RUNX1: variants seen among roughly 807,000 people sequenced by gnomAD.
The protein encoded by RUNX1 is runt-related transcription factor 1.
RUNX1 carries 19 observed loss-of-function variants against 42.8 expected under a neutral mutation model. The observed-to-expected ratio is 0.44, with a 90% CI of 0.31 to 0.65. RUNX1 has a LOEUF of 0.65. Ranked by LOEUF, RUNX1 falls within the 30% of genes least tolerant of loss-of-function variation. RUNX1 has a pLI of 0.07. For missense variants in RUNX1, 528 were observed against 672.0 expected, an observed-to-expected ratio of 0.79 and a Z score of 2.37; for synonymous variants, 271 against 289.4, an observed-to-expected ratio of 0.94 and a Z score of 0.64.
chr21:34,980,670 CAGA>C (rs538475159), intron 2 of RUNX1, among the ~76,000 whole-genome samples: 11 of 152,002 alleles, frequency 7.2e-5, no homozygotes, highest in African/African-American at 2.7e-4. Context: ...GAAGTCTCCT[CAGA>C]AGGAGGATTT....
At chr21:34,980,918 G>A (rs1569135778) in intron 2 of RUNX1, among the ~76,000 whole-genome samples, 2 of 152,192 alleles carry the variant, frequency 1.3e-5, no homozygotes, top group African/African-American at 2.4e-5. Context: ...ATAGCTTGAG[G>A]TTACCAAGTG....
intron 3 of RUNX1, chr21:34,887,361 T>G: frequency 7.0e-7 from 1 of 1,428,772 alleles, no homozygotes. Context: ...TAGCAACCGA[T>G]TGCTTAGTGC....
At chr21:34,902,315 G>A (rs947601660) in intron 2 of RUNX1, among the ~76,000 whole-genome samples, 8 of 152,158 alleles carry the variant, frequency 5.3e-5, no homozygotes, top group African/African-American at 1.4e-4. Flanking sequence ...TTGATAAGAC[G>A]ACCCTTGGTG....
intron 5 of RUNX1, among the ~76,000 whole-genome samples, chr21:34,866,006 C>G (rs533098502): frequency 1.3e-5 from 2 of 152,188 alleles, no homozygotes; most frequent in South Asian, 4.1e-4. Context: ...CTCCTCAGGT[C>G]TAGTTTGCAG....
rs760740797 is a variant in RUNX1, at chr21:34,788,010, T to A, written c.*4125A>T. ...ACTGTGTACCGTGGACTGTGGACAGTGCAGTGCCTGCTCTCCTGTGCTATC... is the reference window on the plus strand; with the variant it reads ...ACTGTGTACCGTGGACTGTGGACAGAGCAGTGCCTGCTCTCCTGTGCTATC... On this transcript the variant is annotated 3_prime_UTR_variant, in exon 9 of 9. Transcript: ENST00000675419. The A allele has an allele frequency of 8.6e-6, 2 of 233,224 alleles. No homozygotes were observed. Among genetic ancestry groups the A allele is most frequent in the Non-Finnish European group, 1.7e-5 (2 of 118,084 alleles). The allele number at this position is 233,224 out of a possible 1,614,324, so 14.4% of individuals were successfully genotyped here.
At chr21:34,975,371 C>CT (rs2058794073) in intron 2 of RUNX1, among the ~76,000 whole-genome samples, 1 of 152,196 alleles carries the variant, frequency 6.6e-6, no homozygotes, top group Non-Finnish European at 1.5e-5. Flanking sequence ...CATGCGCAGA[C>CT]TTTTTTCCTG....
intron 2 of RUNX1, among the ~76,000 whole-genome samples, chr21:34,960,098 CG>C (rs1331832368): frequency 6.6e-6 from 1 of 152,108 alleles, no homozygotes; most frequent in Non-Finnish European, 1.5e-5. Flanking sequence ...AGCACCAGAT[CG>C]GGGCATCGGT....
intron 2 of RUNX1, among the ~76,000 whole-genome samples, chr21:35,031,198 A>C (rs1211397999): frequency 1.3e-5 from 2 of 152,160 alleles, no homozygotes; most frequent in East Asian, 3.9e-4. Context: ...AAAATACAAA[A>C]TTAGCTGGGC....
chr21:34,994,376 A>C (rs927295423), intron 2 of RUNX1, among the ~76,000 whole-genome samples: 1 of 152,238 alleles, frequency 6.6e-6, no homozygotes, highest in African/African-American at 2.4e-5. Flanking sequence ...GTCAATAATA[A>C]TTTAATTGTA....
chr21:34,790,925 GTGAGCAA>G lies in RUNX1; in HGVS notation c.*1203_*1209del, dbSNP rs1219366278. 4.3e-6 allele frequency: 1 copy of G among 233,502 alleles called. No homozygotes were observed. Among genetic ancestry groups the G allele is most frequent in the Non-Finnish European group, 8.5e-6 (1 of 118,074 alleles). 14.5% of individuals were successfully genotyped at this position (233,502 alleles called of 1,614,324 possible). Reference sequence around the variant, plus strand: ...TGTGAAATTATCAGATGACCTTGGGGTGAGCAAATCCCTGGGCAGAAATCAAATCCTC... The same window carrying G: ...TGTGAAATTATCAGATGACCTTGGGGATCCCTGGGCAGAAATCAAATCCTC... On this transcript the variant is annotated 3_prime_UTR_variant, in exon 9 of 9. Transcript: ENST00000675419.
At chr21:34,875,816 T>G (rs1193125060) in intron 5 of RUNX1, among the ~76,000 whole-genome samples, 1 of 152,204 alleles carries the variant, frequency 6.6e-6, no homozygotes, top group East Asian at 1.9e-4. Context: ...CCCTTCCTCT[T>G]GACCACAGTC....
At chr21:34,936,356 A>T (rs2058485693) in intron 2 of RUNX1, among the ~76,000 whole-genome samples, 1 of 152,204 alleles carries the variant, frequency 6.6e-6, no homozygotes, top group Non-Finnish European at 1.5e-5. Context: ...GCTTTTATAG[A>T]AGAAAGAATA....
At chr21:35,046,186 G>A (rs1278107968) in intron 2 of RUNX1, among the ~76,000 whole-genome samples, 1 of 152,112 alleles carries the variant, frequency 6.6e-6, no homozygotes, top group Non-Finnish European at 1.5e-5. Flanking sequence ...TGGGAACCTG[G>A]TGTGGTGTGA....
intron 2 of RUNX1, among the ~76,000 whole-genome samples, chr21:34,929,847 C>T (rs1417040560): frequency 6.6e-6 from 1 of 152,096 alleles, no homozygotes; most frequent in Non-Finnish European, 1.5e-5. Context: ...CTCTTCAGAG[C>T]TCCTGAAGCT....
intron 2 of RUNX1, among the ~76,000 whole-genome samples, chr21:34,980,855 C>T (rs2058841304): frequency 6.6e-6 from 1 of 152,142 alleles, no homozygotes; most frequent in South Asian, 2.1e-4. Flanking sequence ...AGACACAGAA[C>T]CTGGAATCAT....
chr21:34,821,816 G>A (rs958233294), intron 7 of RUNX1: 12 of 819,836 alleles, frequency 1.5e-5, no homozygotes, highest in East Asian at 1.4e-4. Flanking sequence ...AGGAAATCAG[G>A]AAGAGATTCT....
At chr21:35,030,337 T>C (rs2059264544) in intron 2 of RUNX1, among the ~76,000 whole-genome samples, 1 of 151,308 alleles carries the variant, frequency 6.6e-6, no homozygotes, top group Admixed American at 6.6e-5. Flanking sequence ...AGTGAGACTC[T>C]GTCTCAAAAA....
At chr21:35,003,828 G>A (rs1051419047) in intron 2 of RUNX1, among the ~76,000 whole-genome samples, 11 of 152,224 alleles carry the variant, frequency 7.2e-5, no homozygotes, top group Non-Finnish European at 1.3e-4. Context: ...TGAGCACTGT[G>A]ATCCAACCTG....
At chr21:34,971,682 A>G (rs1211670396) in intron 2 of RUNX1, among the ~76,000 whole-genome samples, 6 of 152,178 alleles carry the variant, frequency 3.9e-5, no homozygotes, top group African/African-American at 1.4e-4. Flanking sequence ...ATACAGGCCT[A>G]ACTACACCAG....
Sources: gnomAD v4.1 joint callset for allele counts (sites outside exome capture counted in the v4.1 genomes callset) on GRCh38, gnomAD v4.1.1 for gene constraint, MANE v1.5 for transcripts, NCBI Gene and HGNC (gene_info 2026-07-23, HGNC 2026-07-21) for gene names.